ALPL: variants seen among roughly 807,000 people sequenced by gnomAD.
ALPL encodes the protein alkaline phosphatase, tissue-nonspecific isozyme.
A neutral mutation model predicts 51.3 loss-of-function variants in ALPL; 42 were observed. The observed-to-expected ratio is 0.82, with a 90% CI of 0.64 to 1.06. The LOEUF is 1.06. ALPL is among the 50% of genes least tolerant of loss of function. The pLI is 0.00. For missense variants in ALPL, 589 were observed against 709.4 expected, an observed-to-expected ratio of 0.83 and a Z score of 1.93; for synonymous variants, 279 against 296.4, an observed-to-expected ratio of 0.94 and a Z score of 0.60.
rs1643873054 is a variant in ALPL, at chr1:21,520,523, AGT to A, written c.-105+11008_-105+11009del. ...CGCCCTGTCGCCCAGGATGGAGTGC[AGT>A]GGCTTGATCTTGGCTCACTGCAGCC... On this transcript the variant is annotated intron_variant, in intron 1 of 11. Coordinates refer to ENST00000374840, the MANE Select transcript of ALPL (RefSeq NM_000478.6). Among the ~76,000 whole-genome samples, 5 of 132,462 alleles carry A rather than the reference AGT, an allele frequency of 3.8e-5. No individual in the cohort carries two copies. The Admixed American group carries it at 4.5e-4, about 12-fold the overall frequency. The allele number at this position is 132,462 out of a possible 152,430, so 86.9% of individuals were successfully genotyped here. A position where few individuals can be genotyped will look rare whatever the true frequency, so the allele number is the denominator to read the frequency against.
intron 1 of ALPL, among the ~76,000 whole-genome samples, chr1:21,519,460 T>C (rs1441745852): frequency 6.6e-6 from 1 of 152,190 alleles, no homozygotes; most frequent in African/African-American, 2.4e-5. Context: ...CGTTTACACA[T>C]GCGCAGCACA....
chr1:21,542,400 C>G (rs1644198433), intron 1 of ALPL, among the ~76,000 whole-genome samples: 1 of 152,192 alleles, frequency 6.6e-6, no homozygotes, highest in East Asian at 1.9e-4. Flanking sequence ...TGGGGAGCAG[C>G]TGAGAGATGC....
In ALPL at chr1:21,577,516, C is replaced by T; in HGVS notation, c.1443C>T (p.Pro481=). ...GCGTCCACGAGCAGAACTACGTCCC[C>T]CACGTGATGGCGTATGCAGCCTGCA... ...LHGVHEQNYV[P]HVMAYAACIG... The change falls in exon 12 of 12, where the codon CCC becomes CCT. Residue 481 remains proline, a synonymous_variant. Transcript: ENST00000374840. 6.2e-7 allele frequency: 1 copy of T among 1,608,246 alleles called. No individual in the cohort carries two copies. Among genetic ancestry groups the T allele is most frequent in the Non-Finnish European group, 8.5e-7 (1 of 1,179,908 alleles).
chr1:21,528,425 G>A (rs996299164), intron 1 of ALPL, among the ~76,000 whole-genome samples: 8 of 142,360 alleles, frequency 5.6e-5, no homozygotes, highest in Non-Finnish European at 9.0e-5. Context: ...TCAGCTCACC[G>A]CAACCTCTGC....
intron 1 of ALPL, among the ~76,000 whole-genome samples, chr1:21,536,891 C>CTTTTTTTT (rs10534586): frequency 1.3e-5 from 1 of 79,362 alleles, no homozygotes; most frequent in Non-Finnish European, 2.3e-5. Flanking sequence ...GGTTCCTTCC[C>CTTTTTTTT]TTTTTTTTTT....
At chr1:21,524,955 GAAA>G (rs1643922953) in intron 1 of ALPL, among the ~76,000 whole-genome samples, 1 of 152,210 alleles carries the variant, frequency 6.6e-6, no homozygotes, top group Non-Finnish European at 1.5e-5. Context: ...TGCTAACTCA[GAAA>G]CGTAAGTGGG....
At chr1:21,524,294 G>A (rs902928263) in intron 1 of ALPL, among the ~76,000 whole-genome samples, 12 of 152,020 alleles carry the variant, frequency 7.9e-5, no homozygotes, top group Non-Finnish European at 1.2e-4. Flanking sequence ...GAGCTACTGC[G>A]CCCGGCCCAA....
intron 1 of ALPL, among the ~76,000 whole-genome samples, chr1:21,540,436 C>T (rs947874760): frequency 1.3e-5 from 2 of 152,198 alleles, no homozygotes; most frequent in African/African-American, 2.4e-5. Context: ...CTTCTCTGAA[C>T]CCAGACCCTC....
At chr1:21,545,377 G>T (rs1282253041) in intron 1 of ALPL, among the ~76,000 whole-genome samples, 1 of 151,846 alleles carries the variant, frequency 6.6e-6, no homozygotes, top group Non-Finnish European at 1.5e-5. Context: ...TACAACCTCC[G>T]CCACCCGGGT....
chr1:21,515,208 G>A (rs989530587), intron 1 of ALPL, among the ~76,000 whole-genome samples: 1 of 152,170 alleles, frequency 6.6e-6, no homozygotes, highest in Non-Finnish European at 1.5e-5. Context: ...GGTGGCTGAA[G>A]CAAATTGCTT....
At chr1:21,545,981 A>G (rs1644249304) in intron 1 of ALPL, among the ~76,000 whole-genome samples, 1 of 151,638 alleles carries the variant, frequency 6.6e-6, no homozygotes, top group African/African-American at 2.4e-5. Context: ...ATGCCCAGCT[A>G]ATTTTTGTAT....
chr1:21,521,579 G>A (rs902558984), intron 1 of ALPL, among the ~76,000 whole-genome samples: 1 of 152,224 alleles, frequency 6.6e-6, no homozygotes, highest in Non-Finnish European at 1.5e-5. Context: ...CACTGGGTGT[G>A]ACTCTTGAGC....
chr1:21,514,330 C>T (rs1239281706), intron 1 of ALPL, among the ~76,000 whole-genome samples: 1 of 152,168 alleles, frequency 6.6e-6, no homozygotes, highest in South Asian at 2.1e-4. Context: ...ACAGCTTCCA[C>T]CTTACCCCTT....
rs1306736420 is a variant in ALPL at position 21,531,951 on chromosome 1, G to A, written c.-104-22027G>A. Among the ~76,000 whole-genome samples, 4 of 150,272 alleles carry A rather than the reference G, an allele frequency of 2.7e-5. No homozygotes were observed. The Admixed American group carries it at 2.7e-4, about 10-fold the overall frequency. ...TCTCTTCCATCTCCCAGGAGATTCT[G>A]TTTCCCCATTGTTGCCTAGGCTTAG... On this transcript the variant is annotated intron_variant, in intron 1 of 11. Transcript: ENST00000374840.
chr1:21,560,255 A>T (rs1403361759), intron 2 of ALPL, among the ~76,000 whole-genome samples: 1 of 152,236 alleles, frequency 6.6e-6, no homozygotes, highest in African/African-American at 2.4e-5. Flanking sequence ...GTGCTAGCAC[A>T]ATTCATTTGC....
chr1:21,554,940 T>G (rs1644393593), intron 2 of ALPL, among the ~76,000 whole-genome samples: 1 of 151,508 alleles, frequency 6.6e-6, no homozygotes, highest in Non-Finnish European at 1.5e-5. Context: ...CTTTTCTTTT[T>G]CTTTCCTTTC....
intron 1 of ALPL, among the ~76,000 whole-genome samples, chr1:21,553,235 C>G (rs950250123): frequency 2.6e-5 from 4 of 151,448 alleles, no homozygotes; most frequent in Non-Finnish European, 5.9e-5. Context: ...AATACTGTAT[C>G]TCAGCACAAA....
At chr1:21,532,392 T>C (rs1644042661) in intron 1 of ALPL, among the ~76,000 whole-genome samples, 2 of 152,092 alleles carry the variant, frequency 1.3e-5, no homozygotes, top group Non-Finnish European at 2.9e-5. Flanking sequence ...GGTTTCACCA[T>C]GTTGGCCAGG....
chr1:21,532,161 G>A (rs1185121095), intron 1 of ALPL, among the ~76,000 whole-genome samples: 1 of 151,954 alleles, frequency 6.6e-6, no homozygotes, highest in Non-Finnish European at 1.5e-5. Context: ...CAGAGTCAGT[G>A]GTATTAGAAT....
Sources: allele counts gnomAD v4.1 joint callset (sites outside exome capture counted in the v4.1 genomes callset), GRCh38; gene constraint gnomAD v4.1.1; transcripts MANE v1.5; gene names NCBI Gene and HGNC (gene_info 2026-07-23, HGNC 2026-07-21).